Variants in ESR1 observed in about 807,000 individuals in gnomAD.
ESR1 encodes the protein estrogen receptor 1.
In ESR1, 12 loss-of-function variants were observed where a neutral mutation model predicts 52.7. The observed-to-expected ratio is 0.23, with a 90% CI of 0.15 to 0.37. The LOEUF (loss-of-function observed/expected upper bound fraction) is 0.37. Among genes scored for constraint, ESR1 ranks in the 10% least tolerant of loss-of-function variants. The pLI, the probability that ESR1 is intolerant of heterozygous loss-of-function variation, is 1.00. For missense variants in ESR1, 584 were observed against 779.7 expected (o/e 0.75, Z 2.99); for synonymous variants, 305 against 316.8 (o/e 0.96, Z 0.39).
intron 4 of ESR1, among the ~76,000 whole-genome samples, chr6:151,968,219 T>C (rs2038500666): frequency 6.6e-6 from 1 of 152,206 alleles, no homozygotes; most frequent in South Asian, 2.1e-4. Context: ...ACTAGCCATA[T>C]GCAGAAAACT....
chr6:151,762,646 A>T (rs916795302), intron 2 of ESR1, among the ~76,000 whole-genome samples: 1 of 152,222 alleles, frequency 6.6e-6, no homozygotes, highest in African/African-American at 2.4e-5. Context: ...CTCAAAAGTG[A>T]CCATTAATAA....
chr6:151,880,414 G>A (rs1006629561), intron 2 of ESR1, among the ~76,000 whole-genome samples: 3 of 151,790 alleles, frequency 2.0e-5, no homozygotes, highest in African/African-American at 7.3e-5. Context: ...AACTCCTGAC[G>A]TCGTGATCCA....
chr6:152,054,560 G>A (rs1267119967), intron 5 of ESR1, among the ~76,000 whole-genome samples: 3 of 151,782 alleles, frequency 2.0e-5, no homozygotes, highest in Admixed American at 6.6e-5. Flanking sequence ...AAGTGTTTAC[G>A]TGATCGTGTC....
chr6:151,770,810 T>C (rs920870733), intron 2 of ESR1, among the ~76,000 whole-genome samples: 5 of 152,180 alleles, frequency 3.3e-5, no homozygotes, highest in Non-Finnish European at 7.3e-5. Flanking sequence ...GAAGACTCTT[T>C]CTAGAAATCT....
At chr6:152,045,431 G>A (rs1479285880) in intron 5 of ESR1, among the ~76,000 whole-genome samples, 1 of 152,206 alleles carries the variant, frequency 6.6e-6, no homozygotes, top group Non-Finnish European at 1.5e-5. Flanking sequence ...TGTTAGGGGA[G>A]TCCCAGAGAG....
intron 1 of ESR1, among the ~76,000 whole-genome samples, chr6:151,830,772 T>G (rs1170440262): frequency 6.8e-6 from 1 of 146,746 alleles, no homozygotes; most frequent in Non-Finnish European, 1.5e-5. Context: ...CACTTGCTTG[T>G]ATTTTGGGGT....
chr6:151,928,427 G>T (rs879693328), intron 3 of ESR1, among the ~76,000 whole-genome samples: 1 of 152,138 alleles, frequency 6.6e-6, no homozygotes, highest in Non-Finnish European at 1.5e-5. Context: ...CATTAAGTGA[G>T]AGTATTGTTC....
intron 3 of ESR1, among the ~76,000 whole-genome samples, chr6:151,903,250 T>C (rs1227882343): frequency 6.6e-6 from 1 of 152,212 alleles, no homozygotes; most frequent in Non-Finnish European, 1.5e-5. Context: ...TCTGAATTGC[T>C]ATCATATTCT....
At chr6:151,692,716 C>T (rs1485471778) in intron 1 of ESR1, among the ~76,000 whole-genome samples, 4 of 152,222 alleles carry the variant, frequency 2.6e-5, no homozygotes, top group African/African-American at 9.6e-5. Flanking sequence ...GTGTGCCTGC[C>T]TTCTGGGCAA....
Position 152,094,555 on chromosome 6 carries a change from A to G in ESR1, c.1540A>G (p.Ile514Val), listed in dbSNP as rs2050460649. 1 of 1,613,960 alleles carries G rather than the reference A, an allele frequency of 6.2e-7. No homozygotes were observed. Among genetic ancestry groups the G allele is most frequent in the African/African-American group, 1.3e-5 (1 of 75,028 alleles). ...LAQLLLILSH[I>V]RHMSNKGMEH... is the part of the protein sequence containing the mutation. ...CCAGCTCCTCCTCATCCTCTCCCAC[A>G]TCAGGCACATGAGGTGAGGCATCTG... Residue 514 changes from isoleucine to valine, a missense_variant, in exon 7 of 8, where the codon ATC becomes GTC. Around this residue, in one of 6 missense-constraint regions of ESR1, gnomAD observed 141 missense variants for 289.3 expected, o/e 0.49. Coordinates refer to ENST00000206249, the MANE Select transcript of ESR1 (RefSeq NM_000125.4). This position sits in a 1 kb window ranked among gnomAD's most constrained non-coding sequence, Gnocchi z 4.6.
intron 4 of ESR1, among the ~76,000 whole-genome samples, chr6:151,980,252 C>T (rs927330491): frequency 6.6e-6 from 1 of 152,154 alleles, no homozygotes; most frequent in Admixed American, 6.5e-5. Flanking sequence ...AAAGTCCTCC[C>T]TGTTTGCATT....
At chr6:152,002,249 G>T (rs1257849409) in intron 4 of ESR1, among the ~76,000 whole-genome samples, 2 of 149,384 alleles carry the variant, frequency 1.3e-5, no homozygotes, top group African/African-American at 5.0e-5. Flanking sequence ...CGACAGTGTT[G>T]TCATCAATTT....
intron 3 of ESR1, among the ~76,000 whole-genome samples, chr6:151,927,568 T>G (rs966329090): frequency 6.6e-6 from 1 of 152,230 alleles, no homozygotes; most frequent in Non-Finnish European, 1.5e-5. Context: ...TTTGGTAGTT[T>G]GTGTATTTCA....
At chr6:151,878,973 G>C in intron 2 of ESR1, among the ~76,000 whole-genome samples, 1 of 152,178 alleles carries the variant, frequency 6.6e-6, no homozygotes, top group Non-Finnish European at 1.5e-5. Context: ...AGAGGGTTGT[G>C]TTGGGAGCGT....
chr6:151,818,763 T>C (rs551135267), intron 1 of ESR1, among the ~76,000 whole-genome samples: 1 of 152,026 alleles, frequency 6.6e-6, no homozygotes, highest in East Asian at 1.9e-4. Flanking sequence ...TAATTAATCA[T>C]AAGCTACTAG....
rs947662506 is a variant in ESR1 at position 151,835,515 on chromosome 6, C to T, written c.453-7082C>T. 7.9e-5 allele frequency among the ~76,000 whole-genome samples: 12 copies of T among 152,198 alleles called. No homozygotes were observed. In the South Asian group the frequency reaches 1.2e-3, roughly 16 times the overall value. ...TAGAAGCTAGTGTCTAACTAGATGTCATGAGATGTGGGGAAGGTGTTACGT... is the reference window on the plus strand; with the variant it reads ...TAGAAGCTAGTGTCTAACTAGATGTTATGAGATGTGGGGAAGGTGTTACGT... On this transcript the variant is annotated intron_variant, in intron 1 of 7. Coordinates refer to ENST00000206249, the MANE Select transcript of ESR1 (RefSeq NM_000125.4).
chr6:151,819,513 T>C (rs534827861), intron 1 of ESR1, among the ~76,000 whole-genome samples: 35 of 152,314 alleles, frequency 2.3e-4, no homozygotes, highest in Admixed American at 6.5e-4. Context: ...TAGATTTTCA[T>C]AGGAATGCAA....
chr6:152,077,377 G>A (rs1212839205), intron 6 of ESR1, among the ~76,000 whole-genome samples: 1 of 152,212 alleles, frequency 6.6e-6, no homozygotes, highest in East Asian at 1.9e-4. Flanking sequence ...CAGAGGTGGG[G>A]CCCTCATGGA....
intron 7 of ESR1, among the ~76,000 whole-genome samples, chr6:152,095,586 C>T (rs2050542614): frequency 6.6e-6 from 1 of 152,226 alleles, no homozygotes; most frequent in South Asian, 2.1e-4. Flanking sequence ...TTCTTTCACT[C>T]ATGTCCACTG....
Sources: gnomAD v4.1 joint callset for allele counts (sites outside exome capture counted in the v4.1 genomes callset) on GRCh38, gnomAD v4.1.1 for gene constraint, gnomAD v4.1.1 regional missense constraint, Gnocchi (gnomAD v3.1) non-coding constraint, MANE v1.5 for transcripts, NCBI Gene and HGNC (gene_info 2026-07-23, HGNC 2026-07-21) for gene names.